Variants in NSD2 observed in about 807,000 individuals in gnomAD.
NSD2 encodes the protein nuclear receptor binding SET domain protein 2.
A neutral mutation model predicts 139.0 loss-of-function variants in NSD2; 12 were observed. The ratio of observed to expected loss-of-function variants is 0.09; its 90% CI spans 0.06 to 0.14. NSD2 has a LOEUF of 0.14. NSD2 is among the 10% of genes least tolerant of loss of function. The pLI is 1.00. For missense variants in NSD2, 1,155 were observed against 1,745.0 expected (o/e 0.66, Z 6.02); for synonymous variants, 669 against 648.7 (o/e 1.03, Z -0.48).
intron 9 of NSD2, chr4:1,943,617 G>A: frequency 9.5e-7 from 1 of 1,048,310 alleles, no homozygotes; most frequent in Non-Finnish European, 1.2e-6. Context: ...TCCTCTATTG[G>A]CTCTGCTCAA....
At chr4:1,889,064 A>G (rs1715335637) in intron 1 of NSD2, among the ~76,000 whole-genome samples, 1 of 151,008 alleles carries the variant, frequency 6.6e-6, no homozygotes, top group African/African-American at 2.4e-5. Context: ...TGCCTGGCTA[A>G]TTTTTGTATT....
At chr4:1,892,623 TG>T (rs1289283783) in intron 1 of NSD2, among the ~76,000 whole-genome samples, 2 of 152,010 alleles carry the variant, frequency 1.3e-5, no homozygotes, top group Non-Finnish European at 2.9e-5. Flanking sequence ...TGGAGTGTAG[TG>T]GCCTGATCTC....
chr4:1,939,825 A>G (rs1455901585), intron 9 of NSD2, 47 bp downstream of exon 9: 1 of 1,613,398 alleles, frequency 6.2e-7, no homozygotes, highest in Non-Finnish European at 8.5e-7. Context: ...TATGAAGGCC[A>G]TTTAGCTGCC....
chr4:1,931,524 T>TA lies in NSD2; in HGVS notation c.1555+764dup, dbSNP rs928023091. Among the ~76,000 whole-genome samples, 22 of 148,610 alleles carry TA rather than the reference T, an allele frequency of 1.5e-4. No homozygotes were observed. In the East Asian group the frequency reaches 1.9e-3, roughly 13 times the overall value. ...ACATATTAGGGTATCAATTTAAAATTAAAAAAAAAAGTACTGTATATCTGA... is the reference window on the plus strand; with the variant it reads ...ACATATTAGGGTATCAATTTAAAATTAAAAAAAAAAAGTACTGTATATCTGA... On this transcript the variant is annotated intron_variant, in intron 6 of 21. Coordinates refer to ENST00000508803, the MANE Select transcript of NSD2 (RefSeq NM_001042424.3).
Position 1,981,673 on chromosome 4 carries a change from TG to T in NSD2, c.*2766del. On this transcript the variant is annotated 3_prime_UTR_variant, in exon 22 of 22. Transcript: ENST00000508803. ...TCTTCCGGCGACACCCGTCCATGGC[TG>T]GCTGGGTCCCCTTCGCAGTGTTTGT... The T allele has an allele frequency of 2.5e-6, 1 of 393,962 alleles. No individual in the cohort carries two copies. The highest frequency in any genetic ancestry group is 4.5e-6 in the Non-Finnish European group (1 of 223,608). 24.4% of individuals were successfully genotyped at this position (393,962 alleles called of 1,614,324 possible). A position where few individuals can be genotyped will look rare whatever the true frequency, so the allele number is the denominator to read the frequency against.
At chr4:1,885,196 T>C (rs964565020) in intron 1 of NSD2, among the ~76,000 whole-genome samples, 11 of 152,318 alleles carry the variant, frequency 7.2e-5, no homozygotes, top group Middle Eastern at 3.4e-3. Flanking sequence ...TTGTCCACTA[T>C]CTACCTTTTT....
At chr4:1,944,853 A>G (rs1208621227) in intron 9 of NSD2, 6 of 1,063,364 alleles carry the variant, frequency 5.6e-6, no homozygotes, top group Non-Finnish European at 6.8e-6. Context: ...CTCCAGGTGT[A>G]GTTACATCTC....
intron 3 of NSD2, among the ~76,000 whole-genome samples, chr4:1,906,264 A>G (rs1388967547): frequency 6.6e-6 from 1 of 151,952 alleles, no homozygotes; most frequent in African/African-American, 2.4e-5. Flanking sequence ...TTGGGGATGG[A>G]GGCTCGCTCC....
chr4:1,969,779 A>G (rs764003787), intron 18 of NSD2, among the ~76,000 whole-genome samples: 4 of 152,180 alleles, frequency 2.6e-5, no homozygotes, highest in Non-Finnish European at 5.9e-5. Context: ...ACTTAGAAAA[A>G]TTTTTATCAC....
chr4:1,937,394 A>G (rs1256662621), intron 7 of NSD2, among the ~76,000 whole-genome samples: 2 of 152,148 alleles, frequency 1.3e-5, no homozygotes, highest in African/African-American at 4.8e-5. Flanking sequence ...TGGCAATCAT[A>G]CTGAAACTGG....
chr4:1,883,675 C>G (rs1453705225), intron 1 of NSD2, among the ~76,000 whole-genome samples: 2 of 152,044 alleles, frequency 1.3e-5, no homozygotes, highest in East Asian at 3.9e-4. Flanking sequence ...TCTGCTGATC[C>G]CACCTTGTTT....
In NSD2 at chr4:1,981,905, C is replaced by T. The variant is rs566077048; in HGVS notation, c.*2996C>T. Reference sequence around the variant, plus strand: ...CACGGGGTGTCACAGCCTCACCATACCCTGTTGAGGTGTGAAATGCCCCGT... The same window carrying T: ...CACGGGGTGTCACAGCCTCACCATATCCTGTTGAGGTGTGAAATGCCCCGT... On this transcript the variant is annotated 3_prime_UTR_variant, in exon 22 of 22. Transcript: ENST00000508803. 5.0e-6 allele frequency: 2 copies of T among 398,498 alleles called. No homozygotes were observed. The highest frequency in any genetic ancestry group is 4.4e-6 in the Non-Finnish European group (1 of 226,074). 24.7% of individuals were successfully genotyped at this position (398,498 alleles called of 1,614,324 possible).
At position 1,981,903 on chromosome 4, in the gene NSD2, T is replaced by C. The variant is rs940540134; in HGVS notation, c.*2994T>C. On this transcript the variant is annotated 3_prime_UTR_variant, in exon 22 of 22. Transcript: ENST00000508803. ...TCCACGGGGTGTCACAGCCTCACCA[T>C]ACCCTGTTGAGGTGTGAAATGCCCC... The C allele has an allele frequency of 4.5e-5, 18 of 398,564 alleles. No individual in the cohort carries two copies. The highest frequency in any genetic ancestry group is 5.3e-5 in the Non-Finnish European group (12 of 226,072). 24.7% of individuals were successfully genotyped at this position (398,564 alleles called of 1,614,324 possible).
chr4:1,944,405 C>T (rs957919638), intron 9 of NSD2: 1 of 1,065,318 alleles, frequency 9.4e-7, no homozygotes. Context: ...AATGGTGATA[C>T]ATTCTAGCCT....
At chr4:1,872,591 T>TGTGG (rs1281608141) in intron 1 of NSD2, among the ~76,000 whole-genome samples, 1 of 44,838 alleles carries the variant, frequency 2.2e-5, no homozygotes, top group Non-Finnish European at 4.5e-5. Flanking sequence ...TGTGTGTGTG[T>TGTGG]GAGAGAGAGA....
chr4:1,914,147 C>T lies in NSD2; in HGVS notation c.761-2724C>T, dbSNP rs576679863. Among the ~76,000 whole-genome samples the T allele has an allele frequency of 8.6e-5, 13 of 151,840 alleles. No homozygotes were observed. The South Asian group carries it at 1.0e-3, about 12-fold the overall frequency. On this transcript the variant is annotated intron_variant, in intron 3 of 21. Coordinates refer to ENST00000508803, the MANE Select transcript of NSD2 (RefSeq NM_001042424.3). Reference sequence around the variant, plus strand: ...AAGTGATTCTCGTGCCTCAGCCTCCCGAGTAGCTGGGACTACAGGTGTGTG... The same window carrying T: ...AAGTGATTCTCGTGCCTCAGCCTCCTGAGTAGCTGGGACTACAGGTGTGTG...
intron 3 of NSD2, among the ~76,000 whole-genome samples, chr4:1,905,813 C>G (rs1395723590): frequency 6.6e-6 from 1 of 152,208 alleles, no homozygotes; most frequent in Non-Finnish European, 1.5e-5. Flanking sequence ...GCATCCTTGG[C>G]TTGCCAGAAT....
intron 1 of NSD2, among the ~76,000 whole-genome samples, chr4:1,887,333 T>G (rs1473535213): frequency 6.6e-6 from 1 of 152,204 alleles, no homozygotes; most frequent in Non-Finnish European, 1.5e-5. Context: ...CTTCTTTTTT[T>G]TTAAATCTCC....
At chr4:1,874,282 T>TC (rs1375085963) in intron 1 of NSD2, among the ~76,000 whole-genome samples, 1 of 152,214 alleles carries the variant, frequency 6.6e-6, no homozygotes, top group African/African-American at 2.4e-5. Flanking sequence ...GACCTTGTTC[T>TC]CCAAATACGT....
Sources: allele counts gnomAD v4.1 joint callset (sites outside exome capture counted in the v4.1 genomes callset), GRCh38; gene constraint gnomAD v4.1.1; transcripts MANE v1.5; gene names NCBI Gene and HGNC (gene_info 2026-07-23, HGNC 2026-07-21).